Variants in C12orf54 observed in about 807,000 individuals in gnomAD.
C12orf54 encodes the protein chromosome 12 open reading frame 54.
A neutral mutation model predicts 26.4 loss-of-function variants in C12orf54; 24 were observed. The ratio of observed to expected loss-of-function variants is 0.91; its 90% confidence interval spans 0.66 to 1.28. C12orf54 has a LOEUF of 1.28. Ranked by LOEUF, C12orf54 falls within the 50% of genes most tolerant of loss-of-function variation. C12orf54 has a pLI of 0.00. For synonymous variants in C12orf54, 54 were observed against 47.0 expected, an observed-to-expected ratio of 1.15 and a Z score of -0.61; for missense variants, 154 against 150.9, an observed-to-expected ratio of 1.02 and a Z score of -0.11.
rs527871878 is a variant in C12orf54 at position 48,488,014 on chromosome 12, A to G, written c.136-910A>G. 1.3e-5 allele frequency: 12 copies of G among 914,868 alleles called. No homozygotes were observed. In the African/African-American group the frequency reaches 1.7e-4, roughly 13 times the overall value. 56.7% of individuals were successfully genotyped at this position (914,868 alleles called of 1,614,324 possible). A position where few individuals can be genotyped will look rare whatever the true frequency, so the allele number is the denominator to read the frequency against. ...TTTTTAAGGAGAGTCATGGTGGCCA[A>G]GAAGGATGTCGACATGCCTAAGCAC... On this transcript the variant is annotated intron_variant, in intron 4 of 8. Coordinates refer to ENST00000548364, the MANE Select transcript of C12orf54 (RefSeq NM_152319.4).
At chr12:48,423,238 A>G in the C12orf54 span, among the ~76,000 whole-genome samples, 37 of 152,294 alleles carry the variant, frequency 2.4e-4, no homozygotes, top group Admixed American at 4.6e-4. Context: ...AAATTTACAC[A>G]GGAAATGCTA....
chr12:48,432,169 C>T, the C12orf54 span, among the ~76,000 whole-genome samples: 1 of 152,162 alleles, frequency 6.6e-6, no homozygotes, highest in African/African-American at 2.4e-5. Flanking sequence ...TGCACTGATA[C>T]AATTTGTTAT....
intron 3 of C12orf54, 32 bp from the exon 4 acceptor site, chr12:48,486,656 T>C (rs375547152): frequency 2.5e-6 from 4 of 1,597,986 alleles, no homozygotes; most frequent in Non-Finnish European, 3.4e-6. Context: ...AGTTGGGATA[T>C]TGTTTCCAAC....
the C12orf54 span, among the ~76,000 whole-genome samples, chr12:48,457,072 GT>G: frequency 4.6e-5 from 7 of 152,128 alleles, no homozygotes; most frequent in South Asian, 1.5e-3. Flanking sequence ...GTAGTTACTT[GT>G]GTCTGTCTCC....
chr12:48,486,636 A>C, intron 3 of C12orf54, 52 bp from the exon 4 acceptor site: 1 of 1,552,402 alleles, frequency 6.4e-7, no homozygotes, highest in South Asian at 1.1e-5. Context: ...GTCACTTCAG[A>C]TTCTGGGAGA....
chr12:48,421,550 G>A, the C12orf54 span, among the ~76,000 whole-genome samples: 1 of 131,180 alleles, frequency 7.6e-6, no homozygotes, highest in Admixed American at 8.4e-5. Flanking sequence ...TTAGATGGAG[G>A]ATGGAGTCTC....
the C12orf54 span, among the ~76,000 whole-genome samples, chr12:48,449,244 G>T: frequency 6.6e-6 from 1 of 152,146 alleles, no homozygotes; most frequent in Admixed American, 6.5e-5. Context: ...AGGCCTGAAA[G>T]AAAAAGATCT....
chr12:48,418,815 A>C, the C12orf54 span, among the ~76,000 whole-genome samples: 1 of 152,142 alleles, frequency 6.6e-6, no homozygotes, highest in East Asian at 1.9e-4. Flanking sequence ...TGTTAAAAAA[A>C]ATTTTAATAT....
At chr12:48,426,064 G>A in the C12orf54 span, among the ~76,000 whole-genome samples, 51 of 151,180 alleles carry the variant, frequency 3.4e-4, no homozygotes, top group East Asian at 9.8e-4. Context: ...ATTTTATTTC[G>A]CCGTGCAGAA....
At chr12:48,480,535 C>T (rs1304834206), upstream of C12orf54, among the ~76,000 whole-genome samples, 1 of 151,496 alleles carries the variant, frequency 6.6e-6, no homozygotes. Flanking sequence ...AATGAGACAT[C>T]TCATCTCACA....
the C12orf54 span, among the ~76,000 whole-genome samples, chr12:48,477,104 A>G: frequency 6.6e-5 from 10 of 152,074 alleles, no homozygotes. Context: ...ACTCAAAACC[A>G]CTCAACTACA....
Position 48,492,989 on chromosome 12 carries a change from G to A in C12orf54, c.236G>A (p.Arg79Lys), listed in dbSNP as rs370792737. 1 of 1,613,956 alleles carries A rather than the reference G, an allele frequency of 6.2e-7. No homozygotes were observed. Among genetic ancestry groups the A allele is most frequent in the East Asian group, 2.2e-5 (1 of 44,874 alleles). ...CSMTPMTSAPRTGSIRPPDSL... is the reference protein window; with the variant it reads ...CSMTPMTSAPKTGSIRPPDSL... ...ATGACACCCATGACATCAGCACCCA[G>A]GACTGGGTAAGTGTCCCTATTCTGA... The change falls in exon 7 of 9, where the codon AGG (arginine) becomes AAG (lysine). Residue 79 changes from arginine to lysine, a missense_variant. Coordinates refer to ENST00000548364, the MANE Select transcript of C12orf54 (RefSeq NM_152319.4).
At chr12:48,428,657 T>C in the C12orf54 span, among the ~76,000 whole-genome samples, 37 of 151,738 alleles carry the variant, frequency 2.4e-4, no homozygotes, top group African/African-American at 8.7e-4. Flanking sequence ...TAACAAGCAG[T>C]GAGATTAAAA....
At chr12:48,494,695 G>T (rs1431758097) in intron 7 of C12orf54, 103 bp from the exon 8 acceptor site, 2 of 1,235,394 alleles carry the variant, frequency 1.6e-6, no homozygotes, top group Non-Finnish European at 1.1e-6. Flanking sequence ...ATTCTTGGGG[G>T]AGTGTAATAA....
chr12:48,487,901 T>C, intron 4 of C12orf54: 1 of 589,600 alleles, frequency 1.7e-6, no homozygotes, highest in East Asian at 2.8e-5. Flanking sequence ...TATTTGGTTT[T>C]ATAAGAAACT....
At chr12:48,450,733 T>C in the C12orf54 span, among the ~76,000 whole-genome samples, 1 of 152,032 alleles carries the variant, frequency 6.6e-6, no homozygotes, top group Non-Finnish European at 1.5e-5. Context: ...CTAGAAGAAA[T>C]GGACAAGTTC....
At chr12:48,484,901 A>T (rs1489286914) in intron 2 of C12orf54, among the ~76,000 whole-genome samples, 1 of 152,086 alleles carries the variant, frequency 6.6e-6, no homozygotes, top group Non-Finnish European at 1.5e-5. Context: ...AATTAGGGGC[A>T]TGGTTTGGAT....
the C12orf54 span, among the ~76,000 whole-genome samples, chr12:48,415,041 G>A: frequency 3.3e-5 from 5 of 152,176 alleles, no homozygotes; most frequent in Non-Finnish European, 5.9e-5. Flanking sequence ...AGCATCTCCA[G>A]TAAGTGTCTA....
chr12:48,479,890 G>T (rs957851335), upstream of C12orf54, among the ~76,000 whole-genome samples: 2 of 152,048 alleles, frequency 1.3e-5, no homozygotes, highest in Non-Finnish European at 2.9e-5. Context: ...TTTTTTGGGG[G>T]ATGGCTTCTT....
Sources: allele counts gnomAD v4.1 joint callset (sites outside exome capture counted in the v4.1 genomes callset), GRCh38; gene constraint gnomAD v4.1.1; transcripts MANE v1.5; gene names NCBI Gene and HGNC (gene_info 2026-07-23, HGNC 2026-07-21).